Variants in DIP2C observed in about 807,000 individuals in gnomAD.
The protein encoded by DIP2C is DIP2 acetate--CoA ligase C (putative).
DIP2C carries 33 observed loss-of-function variants against 192.4 expected under a neutral mutation model. The observed-to-expected ratio is 0.17, with a 90% CI of 0.13 to 0.23. DIP2C has a LOEUF of 0.23. Ranked by LOEUF, DIP2C falls within the 10% of genes least tolerant of loss-of-function variation. DIP2C has a pLI of 1.00. For synonymous variants in DIP2C, 979 were observed against 864.1 expected, an observed-to-expected ratio of 1.13 and a Z score of -2.33; for missense variants, 1,537 against 2,110.1, an observed-to-expected ratio of 0.73 and a Z score of 5.32.
intron 6 of DIP2C, among the ~76,000 whole-genome samples, chr10:416,716 A>C (rs1402068967): frequency 1.3e-5 from 2 of 152,218 alleles, no homozygotes; most frequent in Non-Finnish European, 2.9e-5. Context: ...TAAATAAATC[A>C]AATGAACAAG....
At chr10:380,161 A>G (rs199685156) in intron 17 of DIP2C, among the ~76,000 whole-genome samples, 795 of 82,264 alleles carry the variant, frequency 9.7e-3, no homozygotes, top group Middle Eastern at 0.045. Context: ...TGGTTAACGC[A>G]CAGAAGAGGC....
intron 17 of DIP2C, among the ~76,000 whole-genome samples, chr10:373,189 G>A (rs1035042844): frequency 1.3e-5 from 2 of 152,168 alleles, no homozygotes; most frequent in East Asian, 1.9e-4. Context: ...AGGACACTGA[G>A]TGAATCAGTC....
At chr10:496,126 A>G (rs1844813403) in intron 1 of DIP2C, among the ~76,000 whole-genome samples, 2 of 132,436 alleles carry the variant, frequency 1.5e-5, no homozygotes, top group South Asian at 4.7e-4. Flanking sequence ...TCTCTACATT[A>G]CTCTCAATAC....
At chr10:380,379 C>T (rs1382575877) in intron 17 of DIP2C, among the ~76,000 whole-genome samples, 2 of 151,732 alleles carry the variant, frequency 1.3e-5, no homozygotes, top group Admixed American at 6.6e-5. Context: ...AAGAGGCTGT[C>T]CCTGGATGAT....
chr10:668,118 A>G (rs1426148907), intron 1 of DIP2C: 1 of 152,152 alleles, frequency 6.6e-6, no homozygotes, highest in Non-Finnish European at 1.5e-5. Flanking sequence ...AACATGCACA[A>G]CACAACATAC....
At chr10:558,120 TGGAAA>T (rs1189771477) in intron 1 of DIP2C, among the ~76,000 whole-genome samples, 1 of 152,162 alleles carries the variant, frequency 6.6e-6, no homozygotes. Flanking sequence ...TTCTATAAAT[TGGAAA>T]GATAACGCAT....
intron 1 of DIP2C, among the ~76,000 whole-genome samples, chr10:590,323 C>A (rs1057146587): frequency 6.6e-6 from 1 of 152,206 alleles, no homozygotes; most frequent in African/African-American, 2.4e-5. Flanking sequence ...GACAAACTGA[C>A]TCAAAATACA....
At chr10:625,402 G>A (rs1288324595) in intron 1 of DIP2C, among the ~76,000 whole-genome samples, 1 of 152,156 alleles carries the variant, frequency 6.6e-6, no homozygotes. Context: ...AACACTGTTC[G>A]GAGGCTTTCT....
chr10:547,167 C>T (rs184239745), intron 1 of DIP2C, among the ~76,000 whole-genome samples: 35 of 152,326 alleles, frequency 2.3e-4, no homozygotes, highest in Middle Eastern at 3.4e-3. Context: ...AATCCCGGTG[C>T]TGCAGCGGGA....
intron 14 of DIP2C, among the ~76,000 whole-genome samples, chr10:387,135 G>A (rs1963017566): frequency 6.6e-6 from 1 of 152,168 alleles, no homozygotes; most frequent in Non-Finnish European, 1.5e-5. Context: ...GCCCACACAC[G>A]AACCAACCTT....
intron 30 of DIP2C, among the ~76,000 whole-genome samples, chr10:329,026 G>A (rs1957388274): frequency 1.3e-5 from 2 of 152,150 alleles, no homozygotes; most frequent in Admixed American, 1.3e-4. Flanking sequence ...CAGAAATCAG[G>A]GTCTCCAGGG....
chr10:583,979 G>T (rs1267637417), intron 1 of DIP2C, among the ~76,000 whole-genome samples: 1 of 152,162 alleles, frequency 6.6e-6, no homozygotes, highest in Non-Finnish European at 1.5e-5. Context: ...AGGCGCGGGG[G>T]CCAGGGTGCT....
Position 689,362 on chromosome 10 carries a change from G to T in DIP2C, c.85+132C>A. ...GTCTGGGGGTCCGGGGGACGCGCACGCTCCGGGCTGGGGTCGCACCTCCCC... is the reference window on the plus strand; with the variant it reads ...GTCTGGGGGTCCGGGGGACGCGCACTCTCCGGGCTGGGGTCGCACCTCCCC... On this transcript the variant is annotated intron_variant, in intron 1 of 36. Coordinates refer to ENST00000280886, the MANE Select transcript of DIP2C (RefSeq NM_014974.3). The surrounding 1 kb of genome is among the most constrained non-coding windows in gnomAD (Gnocchi z 6.1). The T allele has an allele frequency of 5.2e-6, 2 of 386,044 alleles. No individual in the cohort carries two copies. Among genetic ancestry groups the T allele is most frequent in the Non-Finnish European group, 7.1e-6 (2 of 280,248 alleles). The allele number at this position is 386,044 out of a possible 1,614,324, so 23.9% of individuals were successfully genotyped here. A position where few individuals can be genotyped will look rare whatever the true frequency, so the allele number is the denominator to read the frequency against.
intron 1 of DIP2C, among the ~76,000 whole-genome samples, chr10:590,313 GACAAA>G (rs1851325093): frequency 1.3e-5 from 2 of 152,220 alleles, no homozygotes; most frequent in Admixed American, 1.3e-4. Flanking sequence ...AGTCAAGTGG[GACAAA>G]CTGACTCAAA....
intron 1 of DIP2C, among the ~76,000 whole-genome samples, chr10:601,811 G>GTGGC (rs1202306121): frequency 6.6e-6 from 1 of 152,228 alleles, no homozygotes; most frequent in Non-Finnish European, 1.5e-5. Flanking sequence ...AGGCGATGGG[G>GTGGC]TGGCTGATCG....
chr10:279,080 A>C (rs1035412723), intron 36 of DIP2C, among the ~76,000 whole-genome samples: 1 of 152,216 alleles, frequency 6.6e-6, no homozygotes, highest in African/African-American at 2.4e-5. Flanking sequence ...TTAAATTGAA[A>C]GGGAAAATTG....
At chr10:433,705 G>A (rs1966949403) in intron 4 of DIP2C, among the ~76,000 whole-genome samples, 1 of 151,916 alleles carries the variant, frequency 6.6e-6, no homozygotes, top group African/African-American at 2.4e-5. Context: ...AAATAAATTA[G>A]TGTTAACATT....
At chr10:298,622 G>A (rs1015524452) in intron 32 of DIP2C, among the ~76,000 whole-genome samples, 2 of 152,180 alleles carry the variant, frequency 1.3e-5, no homozygotes, top group African/African-American at 4.8e-5. Context: ...AGCTTGTGAT[G>A]GGCAGCCGTC....
At chr10:515,717 GTC>G (rs10587523) in intron 1 of DIP2C, among the ~76,000 whole-genome samples, 81,194 of 151,566 alleles carry the variant, frequency 0.54, 22,490 homozygotes, top group African/African-American at 0.68. Flanking sequence ...GAGTGAGACT[GTC>G]TCTCAAAAAA....
Sources: allele counts gnomAD v4.1 joint callset (sites outside exome capture counted in the v4.1 genomes callset), GRCh38; gene constraint gnomAD v4.1.1; non-coding constraint Gnocchi (gnomAD v3.1); transcripts MANE v1.5; gene names NCBI Gene and HGNC (gene_info 2026-07-23, HGNC 2026-07-21).